The following TMEM260 variants were observed in gnomAD, a reference collection of about 807,000 sequenced individuals.
TMEM260 encodes protein O-mannosyl-transferase TMEM260.
A neutral mutation model predicts 88.9 loss-of-function variants in TMEM260; 82 were observed. The observed-to-expected ratio is 0.92, with a 90% confidence interval of 0.77 to 1.11. TMEM260 has a LOEUF of 1.11. TMEM260 is among the 50% of genes least tolerant of loss of function. TMEM260 has a pLI of 0.00. For missense variants in TMEM260, 902 were observed against 853.4 expected (o/e 1.06, Z -0.71); for synonymous variants, 314 against 309.3 (o/e 1.02, Z -0.16).
At chr14:56,582,094 C>T (rs1265543572) in intron 1 of TMEM260, among the ~76,000 whole-genome samples, 3 of 152,028 alleles carry the variant, frequency 2.0e-5, no homozygotes, top group Non-Finnish European at 4.4e-5. Flanking sequence ...AAGTATATGC[C>T]AATATGGAAA....
intron 15 of TMEM260, among the ~76,000 whole-genome samples, chr14:56,641,993 C>T (rs181802608): frequency 3.5e-4 from 54 of 152,254 alleles, no homozygotes; most frequent in African/African-American, 5.8e-4. Context: ...TACAGGAGCA[C>T]CCAGATTCAT....
chr14:56,618,488 G>T, intron 9 of TMEM260, 106 bp from the exon 10 acceptor site: 1 of 992,068 alleles, frequency 1.0e-6, no homozygotes. Flanking sequence ...AATGACAACA[G>T]GCACACACAA....
At chr14:56,625,743 C>T (rs1244147664) in intron 12 of TMEM260, among the ~76,000 whole-genome samples, 1 of 152,122 alleles carries the variant, frequency 6.6e-6, no homozygotes, top group Non-Finnish European at 1.5e-5. Flanking sequence ...AAAATACAGA[C>T]AGATTAGCAA....
chr14:56,610,262 A>G (rs1887171954), intron 6 of TMEM260, among the ~76,000 whole-genome samples: 1 of 151,770 alleles, frequency 6.6e-6, no homozygotes, highest in Non-Finnish European at 1.5e-5. Context: ...TTTGTTTGAG[A>G]TGGATTCTCG....
At chr14:56,654,471 C>A (rs1890263997), downstream of TMEM260, among the ~76,000 whole-genome samples, 1 of 152,118 alleles carries the variant, frequency 6.6e-6, no homozygotes. Flanking sequence ...AAACGGACCC[C>A]ACCTACCACT....
At chr14:56,603,715 G>A in intron 3 of TMEM260, 100 bp from the exon 4 acceptor site, 1 of 1,272,918 alleles carries the variant, frequency 7.9e-7, no homozygotes, top group East Asian at 2.3e-5. Context: ...GAGTAGTGCT[G>A]GGTGACTATC....
At chr14:56,633,837 A>G (rs899627771) in intron 13 of TMEM260, among the ~76,000 whole-genome samples, 2 of 152,184 alleles carry the variant, frequency 1.3e-5, no homozygotes, top group African/African-American at 2.4e-5. Flanking sequence ...ATGTGCCTCC[A>G]TTACCTACTT....
intron 4 of TMEM260, 130 bp downstream of exon 4, chr14:56,604,122 G>C: frequency 7.0e-6 from 6 of 855,602 alleles, no homozygotes; most frequent in Non-Finnish European, 9.9e-6. Flanking sequence ...CATGCTGAGA[G>C]AGAAAATGAT....
At chr14:56,642,388 C>T (rs1393044330) in intron 15 of TMEM260, among the ~76,000 whole-genome samples, 3 of 152,116 alleles carry the variant, frequency 2.0e-5, no homozygotes, top group Admixed American at 1.3e-4. Context: ...GGAAACTGAA[C>T]AACCTGCTCC....
intron 15 of TMEM260, among the ~76,000 whole-genome samples, chr14:56,646,862 T>G (rs1323616152): frequency 6.6e-6 from 1 of 152,086 alleles, no homozygotes; most frequent in Non-Finnish European, 1.5e-5. Context: ...GTTTTTTTTT[T>G]TTGTTCTCCA....
At chr14:56,655,185 T>A (rs925545459), downstream of TMEM260, among the ~76,000 whole-genome samples, 1 of 151,758 alleles carries the variant, frequency 6.6e-6, no homozygotes, top group African/African-American at 2.4e-5. Flanking sequence ...AGATCAGGAG[T>A]TCGAGACCAG....
intron 6 of TMEM260, 28 bp downstream of exon 6, chr14:56,609,313 G>GGA: frequency 6.3e-7 from 1 of 1,599,284 alleles, no homozygotes; most frequent in Non-Finnish European, 8.6e-7. Context: ...GCCCTTCTAA[G>GGA]GAAACAAGTG....
chr14:56,651,181 A>C (rs1189163210), downstream of TMEM260, among the ~76,000 whole-genome samples: 2 of 152,236 alleles, frequency 1.3e-5, no homozygotes. Flanking sequence ...TTCAATGAAG[A>C]CATCATTGTC....
intron 15 of TMEM260, among the ~76,000 whole-genome samples, chr14:56,638,002 G>A (rs1351132682): frequency 6.6e-6 from 1 of 151,248 alleles, no homozygotes; most frequent in Non-Finnish European, 1.5e-5. Flanking sequence ...AAGTAGGCTG[G>A]TGAGGGAGGG....
intron 15 of TMEM260, chr14:56,638,073 G>GCTAACCAAACAGATGGTAGGGCAAGGCA (rs147963444): frequency 0.028 from 4,192 of 152,352 alleles, 124 homozygotes; most frequent in East Asian, 0.15. Flanking sequence ...ATCAGAAGGA[G>GCTAACCAAACAGATGGTAGGGCAAGGCA]CTAACCAAAC....
chr14:56,621,442 G>A lies in TMEM260; in HGVS notation c.1227-89G>A, dbSNP rs942715499. ...AACACTAAATGTTGATTGTATGATG[G>A]GAAAAGAATGGCATAGAAAATAAGC... is the stretch of plus-strand genomic sequence containing the variant. On this transcript the variant is annotated intron_variant, in intron 10 of 15. Transcript: ENST00000261556. The A allele has an allele frequency of 9.6e-5, 90 of 934,704 alleles. 1 individual carries two copies. The highest frequency in any genetic ancestry group is 4.5e-4 in the Middle Eastern group (2 of 4,462). 57.9% of individuals were successfully genotyped at this position (934,704 alleles called of 1,614,324 possible). A position where few individuals can be genotyped will look rare whatever the true frequency, so the allele number is the denominator to read the frequency against.
At position 56,621,622 on chromosome 14, in the gene TMEM260, G is replaced by A. The variant is rs1887925293; in HGVS notation, c.1318G>A (p.Gly440Arg). 1 of 1,613,380 alleles carries A rather than the reference G, an allele frequency of 6.2e-7. No homozygotes were observed. Among genetic ancestry groups the A allele is most frequent in the African/African-American group, 1.3e-5 (1 of 74,876 alleles). The stretch of plus-strand genomic sequence containing the variant: ...TCATGATGCAATTATCTTACTCAGA[G>A]GAGATTTGCCAGGAAATTCTCTCCG... ...MPHDAIILLR[G>R]DLPGNSLRYM... Residue 440 changes from glycine (G) to arginine (R), a missense_variant, in exon 11 of 16, where the codon GGA becomes AGA. Coordinates refer to ENST00000261556, the MANE Select transcript of TMEM260 (RefSeq NM_017799.4).
At chr14:56,623,904 GTGT>G (rs1888081152) in intron 11 of TMEM260, among the ~76,000 whole-genome samples, 1 of 152,188 alleles carries the variant, frequency 6.6e-6, no homozygotes. Context: ...AGCTTTGGTG[GTGT>G]TAATGGGAGT....
intron 6 of TMEM260, among the ~76,000 whole-genome samples, chr14:56,610,610 A>T (rs1190718806): frequency 6.6e-6 from 1 of 152,202 alleles, no homozygotes; most frequent in African/African-American, 2.4e-5. Context: ...ACCCTTAAAG[A>T]TGTATTATAT....
Sources: allele counts gnomAD v4.1 joint callset (sites outside exome capture counted in the v4.1 genomes callset), GRCh38; gene constraint gnomAD v4.1.1; transcripts MANE v1.5; gene names NCBI Gene and HGNC (gene_info 2026-07-23, HGNC 2026-07-21).